Variants in TENT2 observed in about 807,000 individuals in gnomAD.
TENT2 encodes the protein terminal nucleotidyltransferase 2.
TENT2 carries 44 observed loss-of-function variants against 72.2 expected under a neutral mutation model. The ratio of observed to expected loss-of-function variants is 0.61; its 90% CI spans 0.48 to 0.78. The LOEUF (loss-of-function observed/expected upper bound fraction) is 0.78, where lower values mean the gene tolerates loss of function less well. Among genes scored for constraint, TENT2 ranks in the 30% least tolerant of loss-of-function variants. TENT2 has a pLI of 0.00. For synonymous variants in TENT2, 212 were observed against 192.5 expected, an observed-to-expected ratio of 1.10 and a Z score of -0.84; for missense variants, 541 against 569.6, an observed-to-expected ratio of 0.95 and a Z score of 0.51.
chr5:79,659,173 G>T (rs1800149308), intron 11 of TENT2, among the ~76,000 whole-genome samples: 1 of 151,830 alleles, frequency 6.6e-6, no homozygotes, highest in South Asian at 2.1e-4. Flanking sequence ...AAACCTGTAG[G>T]CTGGTCAGCA....
intron 13 of TENT2, among the ~76,000 whole-genome samples, chr5:79,680,444 T>A (rs548353779): frequency 6.6e-6 from 1 of 152,340 alleles, no homozygotes; most frequent in Admixed American, 6.5e-5. Flanking sequence ...CAATTCAGTA[T>A]AATTTGGCAT....
intron 4 of TENT2, among the ~76,000 whole-genome samples, chr5:79,634,880 A>G (rs990500504): frequency 1.3e-5 from 2 of 150,870 alleles, no homozygotes; most frequent in Admixed American, 1.3e-4. Flanking sequence ...ATGGGGTCTT[A>G]CTAAGTTACC....
intron 4 of TENT2, among the ~76,000 whole-genome samples, chr5:79,624,380 G>C (rs542340467): frequency 2.0e-5 from 3 of 152,236 alleles, no homozygotes; most frequent in East Asian, 3.9e-4. Context: ...CCTTAGTTGT[G>C]CTGCTTTTTT....
chr5:79,633,898 A>C (rs985263136), intron 4 of TENT2, among the ~76,000 whole-genome samples: 4 of 150,854 alleles, frequency 2.7e-5, no homozygotes, highest in African/African-American at 4.9e-5. Flanking sequence ...TCACGCCTGT[A>C]ATCCCAGCAC....
In TENT2 at chr5:79,629,269, T is replaced by G. The variant is rs182921996; in HGVS notation, c.465+5780T>G. Among the ~76,000 whole-genome samples, 596 of 152,338 alleles carry G rather than the reference T, an allele frequency of 3.9e-3. 2 individuals are homozygous for G. The highest frequency in any genetic ancestry group is 0.012 in the African/African-American group (516 of 41,578). On this transcript the variant is annotated intron_variant, in intron 4 of 14. Transcript: ENST00000453514. ...CATTCCTCTGTTTACCAATCACATA[T>G]AAGTTAATTGGTATTGTAGAAAAAT...
chr5:79,638,514 T>G (rs984260589), intron 4 of TENT2, among the ~76,000 whole-genome samples: 4 of 152,204 alleles, frequency 2.6e-5, no homozygotes, highest in African/African-American at 9.7e-5. Flanking sequence ...TGTGGTCCCC[T>G]TGCATTTACC....
chr5:79,617,853 T>G (rs886644434), intron 1 of TENT2, among the ~76,000 whole-genome samples: 1 of 152,214 alleles, frequency 6.6e-6, no homozygotes, highest in Admixed American at 6.5e-5. Flanking sequence ...TTTCCCTCTT[T>G]GAATATTTTA....
At chr5:79,617,921 T>C (rs1029011782) in intron 1 of TENT2, among the ~76,000 whole-genome samples, 9 of 152,220 alleles carry the variant, frequency 5.9e-5, no homozygotes, top group Admixed American at 2.6e-4. Flanking sequence ...CCTTGACATG[T>C]AACTTTTTTA....
intron 1 of TENT2, among the ~76,000 whole-genome samples, chr5:79,614,446 G>A (rs1470048071): frequency 6.6e-6 from 1 of 152,130 alleles, no homozygotes; most frequent in Non-Finnish European, 1.5e-5. Context: ...GTAAACCTGT[G>A]TAATTTCCCA....
chr5:79,615,859 C>G (rs1485763143), intron 1 of TENT2, among the ~76,000 whole-genome samples: 1 of 151,790 alleles, frequency 6.6e-6, no homozygotes, highest in African/African-American at 2.4e-5. Context: ...ACTTCAGATG[C>G]AGACCACCAC....
At chr5:79,646,282 C>G (rs568479706) in intron 8 of TENT2, among the ~76,000 whole-genome samples, 2 of 152,226 alleles carry the variant, frequency 1.3e-5, no homozygotes, top group Middle Eastern at 3.4e-3. Flanking sequence ...CATGAGTCCA[C>G]TGTTAATGAA....
intron 11 of TENT2, among the ~76,000 whole-genome samples, chr5:79,667,557 A>G (rs1373583173): frequency 6.6e-6 from 1 of 151,972 alleles, no homozygotes; most frequent in Non-Finnish European, 1.5e-5. Flanking sequence ...AATTAATACT[A>G]CAGCTGTTAG....
chr5:79,667,022 G>A (rs1263390395), intron 11 of TENT2, among the ~76,000 whole-genome samples: 2 of 152,190 alleles, frequency 1.3e-5, no homozygotes, highest in Non-Finnish European at 2.9e-5. Context: ...AAAAAGAACA[G>A]TGAAGCTAAG....
In TENT2 at chr5:79,663,631, T is replaced by C. The variant is rs537194640; in HGVS notation, c.1072-5261T>C. On this transcript the variant is annotated intron_variant, in intron 11 of 14. Coordinates refer to ENST00000453514, the MANE Select transcript of TENT2 (RefSeq NM_001114394.3). ...ATTTTTGATTAAGTTTGCAGTATTA[T>C]GTGGATACCATTTGTGGCACTCCAA... is the stretch of plus-strand genomic sequence containing the variant. 7.2e-5 allele frequency among the ~76,000 whole-genome samples: 11 copies of C among 152,350 alleles called. No individual in the cohort carries two copies. In the East Asian group the frequency reaches 1.9e-3, roughly 27 times the overall value.
intron 1 of TENT2, among the ~76,000 whole-genome samples, chr5:79,616,154 T>TG (rs1408027708): frequency 6.6e-6 from 1 of 151,408 alleles, no homozygotes; most frequent in African/African-American, 2.4e-5. Flanking sequence ...CCCAGAGTGT[T>TG]GGGATTATAG....
intron 6 of TENT2, 108 bp from the exon 7 acceptor site, chr5:79,642,724 C>G: frequency 1.2e-6 from 1 of 829,710 alleles, no homozygotes. Context: ...AAAATAACTC[C>G]AAAGGAAAGT....
intron 11 of TENT2, among the ~76,000 whole-genome samples, chr5:79,663,131 C>T (rs1804411382): frequency 6.6e-6 from 1 of 152,160 alleles, no homozygotes; most frequent in Non-Finnish European, 1.5e-5. Flanking sequence ...CTGCAGCTTC[C>T]TCACCTCTGT....
rs1028871976 is a variant in TENT2 at position 79,683,722 on chromosome 5, C to T, written c.1381-1477C>T. ...CGAGGTCAGGAGATCGAGACCATCCCGGCTAAAACGGTGAAACCCCGTTTC... is the reference window on the plus strand; with the variant it reads ...CGAGGTCAGGAGATCGAGACCATCCTGGCTAAAACGGTGAAACCCCGTTTC... On this transcript the variant is annotated intron_variant, in intron 14 of 14. Coordinates refer to ENST00000453514, the MANE Select transcript of TENT2 (RefSeq NM_001114394.3). Among the ~76,000 whole-genome samples the T allele has an allele frequency of 5.3e-5, 8 of 150,936 alleles. No homozygotes were observed. The South Asian group carries it at 1.0e-3, about 20-fold the overall frequency.
chr5:79,631,145 G>A (rs1352516824), intron 4 of TENT2, among the ~76,000 whole-genome samples: 1 of 152,170 alleles, frequency 6.6e-6, no homozygotes, highest in Non-Finnish European at 1.5e-5. Context: ...ACATTTAGTA[G>A]CATTCCTGCC....
Sources: allele counts gnomAD v4.1 joint callset (sites outside exome capture counted in the v4.1 genomes callset), GRCh38; gene constraint gnomAD v4.1.1; transcripts MANE v1.5; gene names NCBI Gene and HGNC (gene_info 2026-07-23, HGNC 2026-07-21).